Variants in PPARD observed in about 807,000 individuals in gnomAD.
PPARD encodes peroxisome proliferator activated receptor delta.
A neutral mutation model predicts 39.5 loss-of-function variants in PPARD; 6 were observed. The observed-to-expected ratio is 0.15, with a 90% CI of 0.08 to 0.30. The LOEUF (loss-of-function observed/expected upper bound fraction) is 0.30. Among genes scored for constraint, PPARD ranks in the 10% least tolerant of loss-of-function variants. The pLI, the probability that PPARD is intolerant of heterozygous loss-of-function variation, is 1.00. For missense variants in PPARD, 397 were observed against 596.8 expected (o/e 0.67, Z 3.49); for synonymous variants, 210 against 231.3 (o/e 0.91, Z 0.83).
In PPARD at chr6:35,424,205, C is replaced by T; in HGVS notation, c.627+57C>T. 6.2e-7 allele frequency: 1 copy of T among 1,602,018 alleles called. No individual in the cohort carries two copies. The highest frequency in any genetic ancestry group is 8.5e-7 in the Non-Finnish European group (1 of 1,174,002). On this transcript the variant is annotated intron_variant, in intron 6 of 7. Coordinates refer to ENST00000360694, the MANE Select transcript of PPARD (RefSeq NM_006238.5). The surrounding 1 kb of genome is among the most constrained non-coding windows in gnomAD (Gnocchi z 7.1). ...TCCTGGGCTCTGGGTCCCACTGCCGCCTGCCTGACTCCGGGAGAGCCAGGC... is the reference window on the plus strand; with the variant it reads ...TCCTGGGCTCTGGGTCCCACTGCCGTCTGCCTGACTCCGGGAGAGCCAGGC...
intron 2 of PPARD, among the ~76,000 whole-genome samples, chr6:35,369,615 T>C (rs1304292083): frequency 6.6e-6 from 1 of 152,250 alleles, no homozygotes; most frequent in Middle Eastern, 3.2e-3. Flanking sequence ...TGGTACTGTT[T>C]TGAAACCTGC....
chr6:35,375,467 C>T (rs1271577189), intron 2 of PPARD, among the ~76,000 whole-genome samples: 2 of 152,120 alleles, frequency 1.3e-5, no homozygotes, highest in East Asian at 3.9e-4. Flanking sequence ...CCACCCACCT[C>T]GGCCTCCCAA....
In PPARD at chr6:35,366,424, T is replaced by C. The variant is rs573737397; in HGVS notation, c.-102+19274T>C. 6.6e-6 allele frequency among the ~76,000 whole-genome samples: 1 copy of C among 151,772 alleles called. No individual in the cohort carries two copies. Among genetic ancestry groups the C allele is most frequent in the Non-Finnish European group, 1.5e-5 (1 of 68,038 alleles). On this transcript the variant is annotated intron_variant, in intron 2 of 7. Coordinates refer to ENST00000360694, the MANE Select transcript of PPARD (RefSeq NM_006238.5). The surrounding 1 kb of genome is among the most constrained non-coding windows in gnomAD (Gnocchi z 4.6). ...CAGGAGAATAATGTGATAGTTGCTATACAGGACAATTAATCTGATAGCATT... is the reference window on the plus strand; with the variant it reads ...CAGGAGAATAATGTGATAGTTGCTACACAGGACAATTAATCTGATAGCATT...
Position 35,363,314 on chromosome 6 carries a change from G to A in PPARD, c.-102+16164G>A, listed in dbSNP as rs1387639671. ...GCAGGCTGATTTCCATAGGCTGTGCGTTCCTGTGGGCCTGCCTGGATCATA... is the reference window on the plus strand; with the variant it reads ...GCAGGCTGATTTCCATAGGCTGTGCATTCCTGTGGGCCTGCCTGGATCATA... On this transcript the variant is annotated intron_variant, in intron 2 of 7. Transcript: ENST00000360694. The surrounding 1 kb of genome is among the most constrained non-coding windows in gnomAD (Gnocchi z 4.5). 2.6e-5 allele frequency among the ~76,000 whole-genome samples: 4 copies of A among 152,158 alleles called. 1 individual carries two copies. The highest frequency in any genetic ancestry group is 4.1e-4 in the South Asian group (2 of 4,834).
Position 35,347,782 on chromosome 6 carries a change from T to C in PPARD, c.-102+632T>C, listed in dbSNP as rs548495930. Among the ~76,000 whole-genome samples the C allele has an allele frequency of 3.9e-5, 6 of 152,124 alleles. No homozygotes were observed. In the East Asian group the frequency reaches 9.7e-4, roughly 24 times the overall value. On this transcript the variant is annotated intron_variant, in intron 2 of 7. Transcript: ENST00000360694. ...TGCCACCACGCCCGGCTAATTTTTGTATTTTTAGTAGAGATGGGGTTTCAC... is the reference window on the plus strand; with the variant it reads ...TGCCACCACGCCCGGCTAATTTTTGCATTTTTAGTAGAGATGGGGTTTCAC...
At chr6:35,399,412 A>C (rs1323433193) in intron 2 of PPARD, among the ~76,000 whole-genome samples, 4 of 151,468 alleles carry the variant, frequency 2.6e-5, no homozygotes, top group Non-Finnish European at 5.9e-5. Context: ...AAAAAAAAAA[A>C]AAAAAAACAA....
intron 2 of PPARD, among the ~76,000 whole-genome samples, chr6:35,375,238 G>A (rs1206864942): frequency 4.5e-5 from 4 of 89,648 alleles, no homozygotes; most frequent in Non-Finnish European, 8.2e-5. Flanking sequence ...TTTTTTTGGA[G>A]ATGGAGTCTT....
rs532844097 is a variant in PPARD, at chr6:35,351,547, T to C, written c.-102+4397T>C. Among the ~76,000 whole-genome samples, 24 of 152,248 alleles carry C rather than the reference T, an allele frequency of 1.6e-4. No individual in the cohort carries two copies. The South Asian group carries it at 5.0e-3, about 32-fold the overall frequency. The stretch of plus-strand genomic sequence containing the variant: ...ATTTTTATCATTGGTAACATACTGT[T>C]GGTTCTTTTGTTTGATTTTGTCTGA... On this transcript the variant is annotated intron_variant, in intron 2 of 7. Transcript: ENST00000360694.
At chr6:35,393,098 C>T (rs1764109933) in intron 2 of PPARD, among the ~76,000 whole-genome samples, 1 of 152,176 alleles carries the variant, frequency 6.6e-6, no homozygotes, top group Non-Finnish European at 1.5e-5. Context: ...AGGGCCAGGA[C>T]CAGGGCCAGT....
At chr6:35,403,431 C>T (rs1470237370) in intron 2 of PPARD, among the ~76,000 whole-genome samples, 4 of 151,988 alleles carry the variant, frequency 2.6e-5, no homozygotes, top group Admixed American at 6.6e-5. Context: ...TGACTGAAGC[C>T]GGTGGAATTC....
intron 2 of PPARD, among the ~76,000 whole-genome samples, chr6:35,388,411 CT>C (rs1387381905): frequency 6.6e-6 from 1 of 152,024 alleles, no homozygotes; most frequent in Non-Finnish European, 1.5e-5. Flanking sequence ...TGAGCCAAAC[CT>C]TTTTCTCAAA....
intron 2 of PPARD, among the ~76,000 whole-genome samples, chr6:35,405,595 G>A (rs991542102): frequency 6.6e-6 from 1 of 150,386 alleles, no homozygotes; most frequent in African/African-American, 2.4e-5. Flanking sequence ...GTTTTTTGCC[G>A]GCATACAAAT....
chr6:35,411,028 C>T lies in PPARD; in HGVS notation c.-60C>T. ...CTGTAGAGGTCCATCTGCGTTCAGA[C>T]CCAGACGATGCCAGAGCTATGACTG... On this transcript the variant is annotated 5_prime_UTR_variant, in exon 3 of 8. Transcript: ENST00000360694. 1 of 1,412,504 alleles carries T rather than the reference C, an allele frequency of 7.1e-7. No homozygotes were observed. Among genetic ancestry groups the T allele is most frequent in the Non-Finnish European group, 9.3e-7 (1 of 1,074,802 alleles). 87.5% of individuals were successfully genotyped at this position (1,412,504 alleles called of 1,614,324 possible).
At position 35,398,060 on chromosome 6, in the gene PPARD, C is replaced by T. The variant is rs144769086; in HGVS notation, c.-101-12927C>T. On this transcript the variant is annotated intron_variant, in intron 2 of 7. Coordinates refer to ENST00000360694, the MANE Select transcript of PPARD (RefSeq NM_006238.5). ...ACTTAATATACCAGAAGGAGTGGAG[C>T]AGGCAGGGGTACCAGTTCCAGAAGG... Among the ~76,000 whole-genome samples, 635 of 152,260 alleles carry T rather than the reference C, an allele frequency of 4.2e-3. 2 individuals are homozygous for T. Among genetic ancestry groups the T allele is most frequent in the Middle Eastern group, 6.8e-3 (2 of 294 alleles).
At chr6:35,360,527 T>C (rs1037032081) in intron 2 of PPARD, among the ~76,000 whole-genome samples, 7 of 152,200 alleles carry the variant, frequency 4.6e-5, no homozygotes, top group Non-Finnish European at 7.4e-5. Context: ...AGTGGTGGAA[T>C]TGGAATTTGA....
chr6:35,345,958 G>A (rs9658063), intron 1 of PPARD, among the ~76,000 whole-genome samples: 57 of 145,132 alleles, frequency 3.9e-4, no homozygotes, highest in Admixed American at 1.6e-3. Flanking sequence ...CTCACTGCAA[G>A]CTCCATCTCC....
chr6:35,417,781 C>G (rs932478475), intron 3 of PPARD, among the ~76,000 whole-genome samples: 2 of 151,908 alleles, frequency 1.3e-5, no homozygotes, highest in South Asian at 4.2e-4. Flanking sequence ...CCGCCCGCGT[C>G]GGCCTCCCAA....
At chr6:35,421,769 C>T (rs373166615) in intron 4 of PPARD, 51 bp from the exon 5 acceptor site, 2 of 1,554,528 alleles carry the variant, frequency 1.3e-6, no homozygotes, top group Non-Finnish European at 1.7e-6. Flanking sequence ...TTTGGCACAG[C>T]CTCCCTCCCA....
intron 2 of PPARD, among the ~76,000 whole-genome samples, chr6:35,407,602 T>C (rs535538779): frequency 2.0e-5 from 3 of 151,974 alleles, no homozygotes; most frequent in Admixed American, 2.0e-4. Context: ...GCATCGCACA[T>C]GTATATATAG....
Sources: gnomAD v4.1 joint callset for allele counts (sites outside exome capture counted in the v4.1 genomes callset) on GRCh38, gnomAD v4.1.1 for gene constraint, Gnocchi (gnomAD v3.1) non-coding constraint, MANE v1.5 for transcripts, NCBI Gene and HGNC (gene_info 2026-07-23, HGNC 2026-07-21) for gene names.